The following FBXL19 variants were observed in gnomAD, a reference collection of about 807,000 sequenced individuals.
The protein encoded by FBXL19 is F-box/LRR-repeat protein 19.
A neutral mutation model predicts 71.2 loss-of-function variants in FBXL19; 16 were observed. That is an observed-to-expected ratio of 0.22 (90% CI 0.15 to 0.34). The LOEUF (loss-of-function observed/expected upper bound fraction) is 0.34, where lower values mean the gene tolerates loss of function less well. FBXL19 is among the 10% of genes least tolerant of loss of function. FBXL19 has a pLI of 1.00. For synonymous variants in FBXL19, 447 were observed against 409.4 expected, an observed-to-expected ratio of 1.09 and a Z score of -1.11; for missense variants, 658 against 968.2, an observed-to-expected ratio of 0.68 and a Z score of 4.25.
intron 7 of FBXL19, among the ~76,000 whole-genome samples, chr16:30,940,066 G>T (rs967395510): frequency 6.6e-6 from 1 of 152,098 alleles, no homozygotes; most frequent in Admixed American, 6.6e-5. Context: ...AGACCAGCCT[G>T]GCCAACATGG....
chr16:30,930,364 C>A lies in FBXL19; in HGVS notation c.1081C>A (p.Leu361Ile). ...TGTGCGCCCTGGCAGTGGGGGGCCCCTACTCAGCTGGCCCCTGGGCCCAGC... is the reference window on the plus strand; with the variant it reads ...TGTGCGCCCTGGCAGTGGGGGGCCCATACTCAGCTGGCCCCTGGGCCCAGC... ...RAVRPGSGGP[L>I]LSWPLGPAPP... Residue 361 changes from leucine to isoleucine, a missense_variant, in exon 7 of 11, where the codon CTA becomes ATA. This residue lies in a region of FBXL19 where 447 missense variants were observed against 515.4 expected (regional missense o/e 0.87). Coordinates refer to ENST00000338343, the MANE Select transcript of FBXL19 (RefSeq NM_001382779.1). This position sits in a 1 kb window ranked among gnomAD's most constrained non-coding sequence, Gnocchi z 8.5. The A allele has an allele frequency of 6.4e-7, 1 of 1,565,260 alleles. No individual in the cohort carries two copies. The highest frequency in any genetic ancestry group is 2.3e-5 in the East Asian group (1 of 43,036).
chr16:30,930,359 G>C lies in FBXL19; in HGVS notation c.1076G>C (p.Gly359Ala). 1 of 1,572,010 alleles carries C rather than the reference G, an allele frequency of 6.4e-7. No homozygotes were observed. The highest frequency in any genetic ancestry group is 8.6e-7 in the Non-Finnish European group (1 of 1,162,822). ...CGGGCTGTGCGCCCTGGCAGTGGGG[G>C]GCCCCTACTCAGCTGGCCCCTGGGC... ...GRRAVRPGSG[G>A]PLLSWPLGPA... The change falls in exon 7 of 11, where the codon GGG becomes GCG. Residue 359 changes from glycine to alanine, a missense_variant. Gly to Ala is a moderately conservative substitution (Grantham distance 60, BLOSUM62 0). Transcript: ENST00000338343. This position sits in a 1 kb window ranked among gnomAD's most constrained non-coding sequence, Gnocchi z 8.5.
At position 30,942,645 on chromosome 16, in the gene FBXL19, A is replaced by G; in HGVS notation, c.1627+109A>G. 1 of 1,430,020 alleles carries G rather than the reference A, an allele frequency of 7.0e-7. No homozygotes were observed. The highest frequency in any genetic ancestry group is 1.5e-5 in the South Asian group (1 of 66,914). The allele number at this position is 1,430,020 out of a possible 1,614,324, so 88.6% of individuals were successfully genotyped here. A position where few individuals can be genotyped will look rare whatever the true frequency, so the allele number is the denominator to read the frequency against. ...GGATGGTAAAGTATTTGAAGAAAGG[A>G]AAGAATACATGAGTTTGAATAGGAA... On this transcript the variant is annotated intron_variant, in intron 9 of 10. Transcript: ENST00000338343. The surrounding 1 kb of genome is among the most constrained non-coding windows in gnomAD (Gnocchi z 5.7).
In FBXL19 at chr16:30,944,169, C is replaced by CT. The variant is rs761103868; in HGVS notation, c.1627+1660dup. 9.8e-3 allele frequency among the ~76,000 whole-genome samples: 616 copies of CT among 62,928 alleles called. 8 individuals carry two copies. Among genetic ancestry groups the CT allele is most frequent in the African/African-American group, 0.017 (253 of 14,970 alleles). 41.3% of individuals were successfully genotyped at this position (62,928 alleles called of 152,430 possible). On this transcript the variant is annotated intron_variant, in intron 9 of 10. Transcript: ENST00000338343. ...TTATCAGGAGCTCAGGAAGGTGGGC[C>CT]TTTTTTTTTTTTTTTTTTTTTTTTT...
intron 2 of FBXL19, among the ~76,000 whole-genome samples, chr16:30,926,184 C>T (rs529656600): frequency 1.2e-4 from 18 of 152,276 alleles, no homozygotes; most frequent in Admixed American, 2.0e-4. Context: ...GTCACACCCC[C>T]GCAGAATGCC....
intron 7 of FBXL19, among the ~76,000 whole-genome samples, chr16:30,940,776 C>T (rs2055794157): frequency 6.6e-6 from 1 of 152,116 alleles, no homozygotes; most frequent in South Asian, 2.1e-4. Flanking sequence ...AAGTAATTCT[C>T]CTGCCTCAGC....
chr16:30,939,399 C>T (rs2055775259), intron 7 of FBXL19, among the ~76,000 whole-genome samples: 1 of 142,602 alleles, frequency 7.0e-6, no homozygotes, highest in Non-Finnish European at 1.5e-5. Flanking sequence ...TTATGTGAAA[C>T]AATACTGGGG....
intron 6 of FBXL19, 146 bp from the exon 7 acceptor site, chr16:30,929,927 C>T (rs1161691414): frequency 8.8e-6 from 9 of 1,024,898 alleles, no homozygotes; most frequent in Middle Eastern, 2.7e-4. Context: ...GTGGCTTTAG[C>T]AAGGTCTCTC....
At chr16:30,922,887 G>A (rs2055538389), upstream of FBXL19, 1 of 378,976 alleles carries the variant, frequency 2.6e-6, no homozygotes, top group African/African-American at 2.1e-5. Flanking sequence ...TGCCCAAGGT[G>A]GTGGAAAGCG....
chr16:30,927,192 C>T, intron 2 of FBXL19, 116 bp from the exon 3 acceptor site: 3 of 1,087,466 alleles, frequency 2.8e-6, no homozygotes, highest in Non-Finnish European at 2.6e-6. Context: ...GGATCAGACC[C>T]AGCTTGACCC....
chr16:30,948,517 G>A lies in FBXL19; in HGVS notation c.*1287G>A, dbSNP rs1023180667. 1.3e-5 allele frequency: 2 copies of A among 152,092 alleles called. No individual in the cohort carries two copies. The highest frequency in any genetic ancestry group is 2.1e-4 in the South Asian group (1 of 4,828). 9.4% of individuals were successfully genotyped at this position (152,092 alleles called of 1,614,324 possible). A position where few individuals can be genotyped will look rare whatever the true frequency, so the allele number is the denominator to read the frequency against. On this transcript the variant is annotated 3_prime_UTR_variant, in exon 11 of 11. Coordinates refer to ENST00000338343, the MANE Select transcript of FBXL19 (RefSeq NM_001382779.1). Reference sequence around the variant, plus strand: ...TCCCGCCCCTCCGCGCAGGCCTCCGGGGGGCCGGGGCTTACCATGTAGGGG... The same window carrying A: ...TCCCGCCCCTCCGCGCAGGCCTCCGAGGGGCCGGGGCTTACCATGTAGGGG...
At position 30,925,996 on chromosome 16, in the gene FBXL19, G is replaced by C. The variant is rs546429441; in HGVS notation, c.177+65G>C. The C allele has an allele frequency of 1.5e-4, 219 of 1,415,784 alleles. 1 individual carries two copies. In the African/African-American group the frequency reaches 3.1e-3, roughly 20 times the overall value. The allele number at this position is 1,415,784 out of a possible 1,614,324, so 87.7% of individuals were successfully genotyped here. ...CCAATACCTTCTTGGAATGGCTGGT[G>C]ACTGCCTCCCAGCCTGTACTGTGGA... On this transcript the variant is annotated intron_variant, in intron 2 of 10. Transcript: ENST00000338343. The surrounding 1 kb of genome is among the most constrained non-coding windows in gnomAD (Gnocchi z 5.0).
intron 7 of FBXL19, among the ~76,000 whole-genome samples, chr16:30,931,036 G>A (rs1222963037): frequency 6.6e-6 from 1 of 152,034 alleles, no homozygotes; most frequent in Non-Finnish European, 1.5e-5. Flanking sequence ...ATTCACTTAG[G>A]AGAACGCCAT....
intron 7 of FBXL19, among the ~76,000 whole-genome samples, chr16:30,939,132 C>T (rs1032415936): frequency 1.2e-4 from 18 of 150,792 alleles, no homozygotes; most frequent in African/African-American, 3.7e-4. Context: ...AGTGCAGTGG[C>T]GCAATCTCGG....
At position 30,946,723 on chromosome 16, in the gene FBXL19, T is replaced by C. The variant is rs1174797960; in HGVS notation, c.1628-7T>C. The C allele has an allele frequency of 6.2e-7, 1 of 1,610,608 alleles. No homozygotes were observed. The highest frequency in any genetic ancestry group is 1.7e-5 in the Admixed American group (1 of 59,736). On this transcript the variant is annotated splice_polypyrimidine_tract_variant and splice_region_variant and intron_variant, in intron 9 of 10. Coordinates refer to ENST00000338343, the MANE Select transcript of FBXL19 (RefSeq NM_001382779.1). The surrounding 1 kb of genome is among the most constrained non-coding windows in gnomAD (Gnocchi z 6.7). ...CAGGAGTGCTGACCTCTCATCTGGC[T>C]GCCCAGGGCAAACAGAGAGCCGTGG...
At position 30,927,303 on chromosome 16, in the gene FBXL19, A is replaced by C. The variant is rs1435119762; in HGVS notation, c.178-5A>C. 6 of 1,553,978 alleles carry C rather than the reference A, an allele frequency of 3.9e-6. No individual in the cohort carries two copies. The South Asian group carries it at 7.1e-5, about 18-fold the overall frequency. On this transcript the variant is annotated splice_region_variant and splice_polypyrimidine_tract_variant and intron_variant, in intron 2 of 10. Transcript: ENST00000338343. ...GGGCCCCTGATGTCCCCTCTCCCCC[A>C]ACAGCCCGTGCTCCCACACACAGCT...
Position 30,947,934 on chromosome 16 carries a change from C to T in FBXL19, c.*704C>T, listed in dbSNP as rs1029033152. 7 of 448,994 alleles carry T rather than the reference C, an allele frequency of 1.6e-5. No homozygotes were observed. Among genetic ancestry groups the T allele is most frequent in the Non-Finnish European group, 2.2e-5 (5 of 223,328 alleles). The allele number at this position is 448,994 out of a possible 1,614,324, so 27.8% of individuals were successfully genotyped here. A position where few individuals can be genotyped will look rare whatever the true frequency, so the allele number is the denominator to read the frequency against. ...AAGGAGTGGGGGCCGCGGGCAGCCG[C>T]TCTTCAGCTCGCGGCCCAGGGGAGT... On this transcript the variant is annotated 3_prime_UTR_variant, in exon 11 of 11. Coordinates refer to ENST00000338343, the MANE Select transcript of FBXL19 (RefSeq NM_001382779.1).
chr16:30,925,047 G>C lies in FBXL19; in HGVS notation c.-25+588G>C, dbSNP rs2055574267. Among the ~76,000 whole-genome samples, 1 of 152,190 alleles carries C rather than the reference G, an allele frequency of 6.6e-6. No individual in the cohort carries two copies. Among genetic ancestry groups the C allele is most frequent in the Non-Finnish European group, 1.5e-5 (1 of 68,030 alleles). On this transcript the variant is annotated intron_variant, in intron 1 of 10. Coordinates refer to ENST00000338343, the MANE Select transcript of FBXL19 (RefSeq NM_001382779.1). The surrounding 1 kb of genome is among the most constrained non-coding windows in gnomAD (Gnocchi z 5.0). ...AGGGAACCCTGTGGGGAACAAGAGGGGCTGAGATCTTGGGCTGAGAAGGGT... is the reference window on the plus strand; with the variant it reads ...AGGGAACCCTGTGGGGAACAAGAGGCGCTGAGATCTTGGGCTGAGAAGGGT...
chr16:30,930,607 C>G lies in FBXL19; in HGVS notation c.1301+23C>G, dbSNP rs752819783. ...CTGGTGAGTGGCCTGGACAGGCCTGCGTTCCGTGGCCAGCAGGCTTCCCGC... is the reference window on the plus strand; with the variant it reads ...CTGGTGAGTGGCCTGGACAGGCCTGGGTTCCGTGGCCAGCAGGCTTCCCGC... On this transcript the variant is annotated intron_variant, in intron 7 of 10. Transcript: ENST00000338343. The surrounding 1 kb of genome is among the most constrained non-coding windows in gnomAD (Gnocchi z 8.5). 4 of 1,409,034 alleles carry G rather than the reference C, an allele frequency of 2.8e-6. No homozygotes were observed. The highest frequency in any genetic ancestry group is 1.8e-6 in the Non-Finnish European group (2 of 1,087,092). The allele number at this position is 1,409,034 out of a possible 1,614,324, so 87.3% of individuals were successfully genotyped here. A position where few individuals can be genotyped will look rare whatever the true frequency, so the allele number is the denominator to read the frequency against.
Sources: allele counts gnomAD v4.1 joint callset (sites outside exome capture counted in the v4.1 genomes callset), GRCh38; gene constraint gnomAD v4.1.1; regional missense constraint gnomAD v4.1.1; non-coding constraint Gnocchi (gnomAD v3.1); transcripts MANE v1.5; gene names NCBI Gene and HGNC (gene_info 2026-07-23, HGNC 2026-07-21).